The following MAF variants were observed in gnomAD, a reference collection of about 807,000 sequenced individuals.
MAF encodes MAF bZIP transcription factor.
In MAF, 10 loss-of-function variants were observed where a neutral mutation model predicts 22.0. The ratio of observed to expected loss-of-function variants is 0.45; its 90% CI spans 0.28 to 0.77. The LOEUF is 0.77. MAF is among the 30% of genes least tolerant of loss of function. MAF has a pLI of 0.12. For synonymous variants in MAF, 337 were observed against 255.8 expected (o/e 1.32, Z -3.03); for missense variants, 544 against 548.4 (o/e 0.99, Z 0.08).
chr16:79,265,194 G>A, the MAF span, among the ~76,000 whole-genome samples: 2 of 152,160 alleles, frequency 1.3e-5, no homozygotes, highest in African/African-American at 2.4e-5. Context: ...TTGGTCAGTT[G>A]AATAAGGATG....
the MAF span, among the ~76,000 whole-genome samples, chr16:79,567,699 C>G: frequency 6.6e-6 from 1 of 152,302 alleles, no homozygotes; most frequent in African/African-American, 2.4e-5. Context: ...TGCCTACCAT[C>G]GCCTCCATGA....
the MAF span, among the ~76,000 whole-genome samples, chr16:79,530,692 G>A: frequency 6.6e-6 from 1 of 152,176 alleles, no homozygotes; most frequent in East Asian, 1.9e-4. Context: ...TTATCATCAT[G>A]TTTTTTGAAT....
the MAF span, among the ~76,000 whole-genome samples, chr16:79,560,954 G>T: frequency 1.3e-5 from 2 of 152,140 alleles, no homozygotes; most frequent in Non-Finnish European, 2.9e-5. Flanking sequence ...TGCATTCAAG[G>T]TTTGCTCTAC....
chr16:79,433,581 C>A, the MAF span, among the ~76,000 whole-genome samples: 572 of 151,922 alleles, frequency 3.8e-3, 2 homozygotes, highest in Middle Eastern at 6.8e-3. Flanking sequence ...ATGTAAGTCC[C>A]TTAAGGAACT....
chr16:79,491,098 G>T, the MAF span, among the ~76,000 whole-genome samples: 111 of 152,318 alleles, frequency 7.3e-4, no homozygotes, highest in African/African-American at 2.0e-3. Flanking sequence ...AAGGTGAGAA[G>T]GGGAGGGTAA....
chr16:79,395,826 G>C, the MAF span, among the ~76,000 whole-genome samples: 1 of 152,208 alleles, frequency 6.6e-6, no homozygotes. Flanking sequence ...AACTCAAACA[G>C]TAGGGAGAGG....
At chr16:79,555,169 G>A in the MAF span, among the ~76,000 whole-genome samples, 1 of 152,196 alleles carries the variant, frequency 6.6e-6, no homozygotes, top group Non-Finnish European at 1.5e-5. Context: ...GCTTGGTACT[G>A]CATCACTTTG....
chr16:79,523,604 G>A, the MAF span, among the ~76,000 whole-genome samples: 1 of 152,174 alleles, frequency 6.6e-6, no homozygotes, highest in Non-Finnish European at 1.5e-5. Flanking sequence ...GAAGAAGACA[G>A]ATGAGTACAC....
chr16:79,261,382 A>T, the MAF span, among the ~76,000 whole-genome samples: 1 of 152,004 alleles, frequency 6.6e-6, no homozygotes, highest in South Asian at 2.1e-4. Flanking sequence ...TGAACTCACA[A>T]CCTCAAGTGA....
the MAF span, among the ~76,000 whole-genome samples, chr16:79,565,823 T>C: frequency 6.6e-6 from 1 of 152,204 alleles, no homozygotes; most frequent in Admixed American, 6.5e-5. Context: ...GAAAACCCTA[T>C]ACTGAGAGCA....
chr16:79,595,679 G>A (rs1376308834), intron 1 of MAF: 12 of 1,057,880 alleles, frequency 1.1e-5, no homozygotes, highest in East Asian at 5.2e-5. Context: ...CCTATTTTGG[G>A]GTAAATACCA....
chr16:79,375,662 TGGGCATTTGACTCTGAC>T, the MAF span, among the ~76,000 whole-genome samples: 1 of 152,246 alleles, frequency 6.6e-6, no homozygotes, highest in Non-Finnish European at 1.5e-5. Flanking sequence ...GGCACTTCCC[TGGGCATTTGACTCTGAC>T]AACCAAGTCA....
At chr16:79,326,657 T>C in the MAF span, among the ~76,000 whole-genome samples, 1 of 152,200 alleles carries the variant, frequency 6.6e-6, no homozygotes, top group Non-Finnish European at 1.5e-5. Flanking sequence ...GTTGCAACTG[T>C]TTAACTCTGC....
At chr16:79,215,627 G>A in the MAF span, among the ~76,000 whole-genome samples, 4 of 152,096 alleles carry the variant, frequency 2.6e-5, no homozygotes, top group African/African-American at 9.7e-5. Flanking sequence ...CTGACAACAT[G>A]AGGCCTCGGG....
chr16:79,358,400 C>A, the MAF span, among the ~76,000 whole-genome samples: 2 of 152,254 alleles, frequency 1.3e-5, no homozygotes, highest in Non-Finnish European at 2.9e-5. Flanking sequence ...CCCTCGTTCA[C>A]TGATCCCCTA....
chr16:79,222,126 G>A, the MAF span, among the ~76,000 whole-genome samples: 1 of 152,068 alleles, frequency 6.6e-6, no homozygotes, highest in Non-Finnish European at 1.5e-5. Context: ...AGATCTCTCG[G>A]CAGAAACCCT....
the MAF span, among the ~76,000 whole-genome samples, chr16:79,413,852 G>A: frequency 7.0e-4 from 106 of 152,232 alleles, no homozygotes; most frequent in African/African-American, 2.2e-3. Context: ...ATAACACATC[G>A]TTCATTCGAG....
the MAF span, among the ~76,000 whole-genome samples, chr16:79,250,584 GGAA>G: frequency 6.6e-6 from 1 of 152,136 alleles, no homozygotes; most frequent in Non-Finnish European, 1.5e-5. Context: ...TGGTGCTTGG[GGAA>G]GGCTCTACTT....
chr16:79,332,459 C>T, the MAF span, among the ~76,000 whole-genome samples: 1 of 152,200 alleles, frequency 6.6e-6, no homozygotes, highest in African/African-American at 2.4e-5. Context: ...CACCACCATG[C>T]ACAGCTAATT....
Sources: allele counts gnomAD v4.1 joint callset (sites outside exome capture counted in the v4.1 genomes callset), GRCh38; gene constraint gnomAD v4.1.1; transcripts MANE v1.5; gene names NCBI Gene and HGNC (gene_info 2026-07-23, HGNC 2026-07-21).